ZNF45: variants seen among roughly 807,000 people sequenced by gnomAD.
ZNF45 encodes the protein zinc finger protein 45, also known as BRC1744.
Under a neutral mutation model 12.0 loss-of-function variants are expected in ZNF45, and 4 were observed. The observed-to-expected ratio is 0.33, with a 90% CI of 0.16 to 0.76. The LOEUF is 0.76. ZNF45 is among the 30% of genes least tolerant of loss of function. The pLI is 0.60. For missense variants in ZNF45, 700 were observed against 813.0 expected (o/e 0.86, Z 1.69); for synonymous variants, 272 against 279.6 (o/e 0.97, Z 0.27).
At chr19:43,919,825 T>C in intron 7 of ZNF45, 126 bp from the exon 8 acceptor site, 2 of 1,040,166 alleles carry the variant, frequency 1.9e-6, no homozygotes, top group Non-Finnish European at 2.8e-6. Context: ...CATATTCAAC[T>C]TTATTACAGT....
At chr19:43,928,459 A>G (rs1043349902) in intron 3 of ZNF45, among the ~76,000 whole-genome samples, 1 of 152,142 alleles carries the variant, frequency 6.6e-6, no homozygotes, top group African/African-American at 2.4e-5. Context: ...CTGTACAACA[A>G]ACCCCCATGA....
intron 3 of ZNF45, among the ~76,000 whole-genome samples, chr19:43,927,851 T>C (rs1973813658): frequency 6.6e-6 from 1 of 152,002 alleles, no homozygotes; most frequent in Non-Finnish European, 1.5e-5. Flanking sequence ...ATGTGGTGCA[T>C]ATACACCATG....
intron 3 of ZNF45, among the ~76,000 whole-genome samples, chr19:43,926,994 C>T (rs1342452834): frequency 6.6e-6 from 1 of 152,096 alleles, no homozygotes; most frequent in Non-Finnish European, 1.5e-5. Context: ...CCCTCTCAAA[C>T]GGGAGGAGGC....
At position 43,913,811 on chromosome 19, in the gene ZNF45, T is replaced by C. The variant is rs376492338; in HGVS notation, c.1625A>G (p.Gln542Arg). The C allele has an allele frequency of 4.3e-6, 7 of 1,612,810 alleles. No homozygotes were observed. Among genetic ancestry groups the C allele is most frequent in the Non-Finnish European group, 5.9e-6 (7 of 1,179,668 alleles). The change falls in exon 10 of 10, where the codon CAG becomes CGG. Residue 542 changes from glutamine to arginine, a missense_variant. By Grantham distance (43) the Gln-to-Arg change is conservative (BLOSUM62 1). Coordinates refer to ENST00000269973, the MANE Select transcript of ZNF45 (RefSeq NM_003425.4). ...GTGGCACCTCTGATGGGCTTGAAGC[T>C]GTGAACCTACACTGAAGCCCTTCCC... Reference protein sequence around the residue: ...ECGKGFSVGSQLQAHQRCHTG... With the variant: ...ECGKGFSVGSRLQAHQRCHTG...
chr19:43,924,675 A>G (rs915326139), intron 4 of ZNF45, 114 bp from the exon 5 acceptor site: 6 of 152,266 alleles, frequency 3.9e-5, no homozygotes, highest in Admixed American at 1.3e-4. Context: ...TCTGAAGCCA[A>G]GGGAGCTGCT....
At chr19:43,926,887 G>A (rs897653524) in intron 3 of ZNF45, among the ~76,000 whole-genome samples, 3 of 152,142 alleles carry the variant, frequency 2.0e-5, no homozygotes, top group South Asian at 2.1e-4. Context: ...CCATGATGAC[G>A]TTCAAGTCAC....
At chr19:43,932,404 G>A (rs530920403) in intron 3 of ZNF45, 200 bp downstream of exon 3, 1 of 152,306 alleles carries the variant, frequency 6.6e-6, no homozygotes, top group East Asian at 1.9e-4. Flanking sequence ...CTTTAAGGGA[G>A]TTTGTTTTAG....
At chr19:43,929,995 T>G (rs1973991583) in intron 3 of ZNF45, 1 of 152,260 alleles carries the variant, frequency 6.6e-6, no homozygotes, top group Admixed American at 6.5e-5. Flanking sequence ...TAGTCCATTT[T>G]TGCTGCTATA....
chr19:43,916,068 C>T (rs913805066), intron 9 of ZNF45, among the ~76,000 whole-genome samples: 1 of 152,120 alleles, frequency 6.6e-6, no homozygotes, highest in Non-Finnish European at 1.5e-5. Flanking sequence ...CCACCTGCCT[C>T]GGCCTCCCAA....
At chr19:43,930,799 A>G (rs995734269) in intron 3 of ZNF45, among the ~76,000 whole-genome samples, 1 of 152,198 alleles carries the variant, frequency 6.6e-6, no homozygotes, top group African/African-American at 2.4e-5. Flanking sequence ...ACACTGAAAA[A>G]GGTAAGATGA....
chr19:43,920,542 G>GGC (rs1426455562), intron 7 of ZNF45, among the ~76,000 whole-genome samples: 1 of 132,424 alleles, frequency 7.6e-6, no homozygotes, highest in African/African-American at 2.6e-5. Context: ...GGGTGGGGGG[G>GGC]GGGGGCAGTG....
intron 6 of ZNF45, among the ~76,000 whole-genome samples, chr19:43,922,823 T>G (rs1051276150): frequency 2.3e-5 from 3 of 132,210 alleles, no homozygotes; most frequent in Non-Finnish European, 4.8e-5. Context: ...ATTCTTTGTT[T>G]TTTTTTTTTT....
At chr19:43,926,284 AG>A (rs957261454) in intron 3 of ZNF45, 1 of 152,178 alleles carries the variant, frequency 6.6e-6, no homozygotes, top group African/African-American at 2.4e-5. Context: ...TTTTTCCTCT[AG>A]GTCTTTCACC....
At chr19:43,916,238 C>T (rs986734185) in intron 9 of ZNF45, among the ~76,000 whole-genome samples, 3 of 152,066 alleles carry the variant, frequency 2.0e-5, no homozygotes, top group Admixed American at 2.0e-4. Flanking sequence ...CCTTATCCCC[C>T]CAAGCTGCTG....
At chr19:43,918,781 T>C in intron 9 of ZNF45, 89 bp downstream of exon 9, 1 of 1,072,126 alleles carries the variant, frequency 9.3e-7, no homozygotes. Flanking sequence ...TGTTCTAGAC[T>C]ATGCCTTCGT....
At position 43,913,741 on chromosome 19, in the gene ZNF45, G is replaced by C; in HGVS notation, c.1695C>G (p.Phe565Leu). Residue 565 changes from phenylalanine to leucine, a missense_variant, in exon 10 of 10, where the codon TTC becomes TTG. Physicochemically the swap from Phe to Leu is conservative, Grantham distance 22. Coordinates refer to ENST00000269973, the MANE Select transcript of ZNF45 (RefSeq NM_003425.4). Reference sequence around the variant, plus strand: ...GTGCCAGAAAATTGGAGGCCCGACAGAAGCCCTTCCCACACTCCTCACATT... The same window carrying C: ...GTGCCAGAAAATTGGAGGCCCGACACAAGCCCTTCCCACACTCCTCACATT... ...PYQCEECGKGFCRASNFLAHR... is the reference protein window; with the variant it reads ...PYQCEECGKGLCRASNFLAHR... 1 of 1,614,122 alleles carries C rather than the reference G, an allele frequency of 6.2e-7. No individual in the cohort carries two copies. Among genetic ancestry groups the C allele is most frequent in the Admixed American group, 1.7e-5 (1 of 60,030 alleles).
intron 3 of ZNF45, among the ~76,000 whole-genome samples, chr19:43,929,517 TTC>T (rs1243482728): frequency 6.6e-6 from 1 of 152,164 alleles, no homozygotes; most frequent in African/African-American, 2.4e-5. Flanking sequence ...CCCAGTTCCT[TTC>T]TCTGTCTGCT....
chr19:43,920,642 C>A (rs424410), intron 7 of ZNF45, among the ~76,000 whole-genome samples: 44 of 138,548 alleles, frequency 3.2e-4, no homozygotes, highest in Admixed American at 1.1e-3. Flanking sequence ...GCTCTGTTCC[C>A]CAGGCTGGAG....
Position 43,928,050 on chromosome 19 carries a change from G to A in ZNF45, c.-399-2592C>T, listed in dbSNP as rs540859038. On this transcript the variant is annotated intron_variant, in intron 3 of 9. Coordinates refer to ENST00000269973, the MANE Select transcript of ZNF45 (RefSeq NM_003425.4). ...TACAAAATTAGCCAGGCATGATGGC[G>A]AATGCCTGTAATCCCAGCTACTCAG... Among the ~76,000 whole-genome samples, 10 of 151,892 alleles carry A rather than the reference G, an allele frequency of 6.6e-5. No individual in the cohort carries two copies. The East Asian group carries it at 1.7e-3, about 26-fold the overall frequency.
Sources: allele counts gnomAD v4.1 joint callset (sites outside exome capture counted in the v4.1 genomes callset), GRCh38; gene constraint gnomAD v4.1.1; transcripts MANE v1.5; gene names NCBI Gene and HGNC (gene_info 2026-07-23, HGNC 2026-07-21).